ZNF131: variants seen among roughly 807,000 people sequenced by gnomAD.
The protein encoded by ZNF131 is zinc finger protein 131.
ZNF131 carries 7 observed loss-of-function variants against 60.0 expected under a neutral mutation model. The ratio of observed to expected loss-of-function variants is 0.12; its 90% CI spans 0.07 to 0.22. The LOEUF is 0.22. ZNF131 is among the 10% of genes least tolerant of loss of function. The pLI, the probability that ZNF131 is intolerant of heterozygous loss-of-function variation, is 1.00. For synonymous variants in ZNF131, 257 were observed against 253.2 expected (o/e 1.01, Z -0.14); for missense variants, 493 against 740.9 (o/e 0.67, Z 3.88).
chr5:43,175,127 A>G lies in ZNF131; in HGVS notation c.1866A>G (p.Leu622=), dbSNP rs1751442593. Residue 622 remains leucine (L), a synonymous_variant, in exon 7 of 7, where the codon TTA becomes TTG. Coordinates refer to ENST00000682664, the MANE Select transcript of ZNF131 (RefSeq NM_001330707.2). ...AGGACAGAACAGCTCTGCCAGTTTT[A>G]GAATGAAATTACACATGAATATATT... ...ENEDRTALPV[L]E 6.2e-7 allele frequency: 1 copy of G among 1,603,674 alleles called. No homozygotes were observed. Among genetic ancestry groups the G allele is most frequent in the African/African-American group, 1.3e-5 (1 of 74,212 alleles).
chr5:43,135,154 A>G (rs1356936018), intron 3 of ZNF131, among the ~76,000 whole-genome samples: 1 of 150,448 alleles, frequency 6.6e-6, no homozygotes, highest in African/African-American at 2.5e-5. Flanking sequence ...ATGCACCACC[A>G]CGCCTGGCTA....
intron 4 of ZNF131, among the ~76,000 whole-genome samples, chr5:43,145,378 T>G (rs565766788): frequency 6.6e-6 from 1 of 151,988 alleles, no homozygotes; most frequent in Non-Finnish European, 1.5e-5. Flanking sequence ...ACGGCCTGGG[T>G]GCAGTGGCTT....
At chr5:43,162,507 G>T (rs1235392241) in intron 5 of ZNF131, among the ~76,000 whole-genome samples, 1 of 150,908 alleles carries the variant, frequency 6.6e-6, no homozygotes, top group Non-Finnish European at 1.5e-5. Flanking sequence ...CAGGGGAATT[G>T]CTTGAACCCG....
At chr5:43,121,844 C>T (rs996707805) in intron 1 of ZNF131, 195 bp from the exon 2 acceptor site, 5 of 476,176 alleles carry the variant, frequency 1.1e-5, no homozygotes, top group African/African-American at 4.1e-5. Context: ...GCTCGGAGTC[C>T]CGCGGCCGCG....
At chr5:43,125,115 A>T (rs956706404) in intron 3 of ZNF131, 1 of 152,172 alleles carries the variant, frequency 6.6e-6, no homozygotes, top group Non-Finnish European at 1.5e-5. Context: ...TGAAGAATTA[A>T]TGAATAAGAT....
At chr5:43,122,215 T>G (rs1218602917) in intron 2 of ZNF131, 38 bp downstream of exon 2, 6 of 1,576,012 alleles carry the variant, frequency 3.8e-6, no homozygotes, top group Non-Finnish European at 5.1e-6. Flanking sequence ...AATTTTTGGC[T>G]TCAGTTTTTT....
At chr5:43,152,630 A>G (rs782996) in intron 4 of ZNF131, among the ~76,000 whole-genome samples, 42,476 of 151,786 alleles carry the variant, frequency 0.28, 6,502 homozygotes, top group East Asian at 0.63. Context: ...TTTTGGAGAC[A>G]GGGTCTCACT....
In ZNF131 at chr5:43,146,309, C is replaced by T. The variant is rs530391826; in HGVS notation, c.371+7000C>T. ...TTGTTAACTTAAAACTGCGTATGGC[C>T]GGGCGCGGTGGCTCACGCCTGTAAT... On this transcript the variant is annotated intron_variant, in intron 4 of 6. Coordinates refer to ENST00000682664, the MANE Select transcript of ZNF131 (RefSeq NM_001330707.2). Among the ~76,000 whole-genome samples, 14 of 152,232 alleles carry T rather than the reference C, an allele frequency of 9.2e-5. No individual in the cohort carries two copies. In the South Asian group the frequency reaches 2.5e-3, roughly 27 times the overall value.
rs1266637257 is a variant in ZNF131, at chr5:43,132,060, G to A, written c.227-7105G>A. On this transcript the variant is annotated intron_variant, in intron 3 of 6. Transcript: ENST00000682664. ...AAGTATTTAGAGCCTTGCTTTATAT[G>A]TATATAGTAAGTGTTACGTATGTGT... 2.6e-5 allele frequency among the ~76,000 whole-genome samples: 4 copies of A among 152,152 alleles called. No homozygotes were observed. The East Asian group carries it at 7.7e-4, about 29-fold the overall frequency.
chr5:43,141,767 CAA>C (rs371036667), intron 4 of ZNF131, among the ~76,000 whole-genome samples: 3 of 132,506 alleles, frequency 2.3e-5, no homozygotes, highest in Admixed American at 7.6e-5. Context: ...GACCCTGTCT[CAA>C]AAAAAAAAAA....
chr5:43,123,794 A>C (rs1476448206), intron 3 of ZNF131: 1 of 152,556 alleles, frequency 6.6e-6, no homozygotes, highest in East Asian at 1.9e-4. Context: ...GCTAGGAAAA[A>C]TGAACTGAAG....
rs114478034 is a variant in ZNF131, at chr5:43,164,088, A to G, written c.1054+2157A>G. Among the ~76,000 whole-genome samples the G allele has an allele frequency of 4.6e-3, 705 of 152,334 alleles. 4 individuals carry two copies. The highest frequency in any genetic ancestry group is 0.016 in the African/African-American group (683 of 41,584). On this transcript the variant is annotated intron_variant, in intron 5 of 6. Coordinates refer to ENST00000682664, the MANE Select transcript of ZNF131 (RefSeq NM_001330707.2). ...TAGGCGTTTATGAAATCTTTTGGGA[A>G]AATGCTTTCTGATTGCAAACATGTA...
intron 5 of ZNF131, among the ~76,000 whole-genome samples, chr5:43,163,921 T>A (rs1750054329): frequency 6.6e-6 from 1 of 152,192 alleles, no homozygotes; most frequent in Non-Finnish European, 1.5e-5. Flanking sequence ...CCACATAGAT[T>A]CAGATGATGT....
chr5:43,125,822 G>C (rs1450840860), intron 3 of ZNF131, among the ~76,000 whole-genome samples: 2 of 151,964 alleles, frequency 1.3e-5, no homozygotes, highest in Non-Finnish European at 2.9e-5. Flanking sequence ...TGGAATATTT[G>C]TTGCTGGTAG....
At chr5:43,150,743 C>G (rs12522830) in intron 4 of ZNF131, among the ~76,000 whole-genome samples, 1 of 152,018 alleles carries the variant, frequency 6.6e-6, no homozygotes, top group Non-Finnish European at 1.5e-5. Context: ...CGCCATTGCA[C>G]TCTGGCTTGG....
intron 3 of ZNF131, among the ~76,000 whole-genome samples, chr5:43,132,898 C>G (rs191626619): frequency 5.8e-4 from 89 of 152,280 alleles, no homozygotes; most frequent in Admixed American, 2.9e-3. Context: ...GTCCTGAAGG[C>G]CGCATTCAGA....
In ZNF131 at chr5:43,174,704, A is replaced by G. The variant is rs764876583; in HGVS notation, c.1443A>G (p.Leu481=). The part of the protein sequence containing the change: ...IIEQVGKVHV[L]PLLQVQVDSA... The stretch of plus-strand genomic sequence containing the variant: ...AACAAGTTGGGAAGGTGCATGTGCT[A>G]CCATTGCTTCAGGTTCAGGTGGATT... Residue 481 remains leucine (L), a synonymous_variant, in exon 7 of 7, where the codon CTA becomes CTG. Coordinates refer to ENST00000682664, the MANE Select transcript of ZNF131 (RefSeq NM_001330707.2). 5 of 1,614,118 alleles carry G rather than the reference A, an allele frequency of 3.1e-6. No individual in the cohort carries two copies. In the African/African-American group the frequency reaches 5.3e-5, roughly 17 times the overall value.
At chr5:43,127,229 T>G (rs1347901996) in intron 3 of ZNF131, among the ~76,000 whole-genome samples, 1 of 152,112 alleles carries the variant, frequency 6.6e-6, no homozygotes, top group Non-Finnish European at 1.5e-5. Context: ...GCATGGCACA[T>G]TAGGTGGGCA....
chr5:43,139,020 T>C (rs973193604), intron 3 of ZNF131, 145 bp from the exon 4 acceptor site: 1 of 598,500 alleles, frequency 1.7e-6, no homozygotes, highest in Admixed American at 3.9e-5. Context: ...AATATTATTG[T>C]ATTGCTAATG....
Sources: allele counts gnomAD v4.1 joint callset (sites outside exome capture counted in the v4.1 genomes callset), GRCh38; gene constraint gnomAD v4.1.1; transcripts MANE v1.5; gene names NCBI Gene and HGNC (gene_info 2026-07-23, HGNC 2026-07-21).